SLC16A9: variants seen among roughly 807,000 people sequenced by gnomAD.
SLC16A9 encodes the protein monocarboxylate transporter 9.
SLC16A9 carries 26 observed loss-of-function variants against 44.3 expected under a neutral mutation model. The ratio of observed to expected loss-of-function variants is 0.59; its 90% CI spans 0.43 to 0.81. SLC16A9 has a LOEUF of 0.81. Among genes scored for constraint, SLC16A9 ranks in the 40% least tolerant of loss-of-function variants. The pLI is 0.00. For missense variants in SLC16A9, 559 were observed against 595.8 expected, an observed-to-expected ratio of 0.94 and a Z score of 0.64; for synonymous variants, 230 against 225.1, an observed-to-expected ratio of 1.02 and a Z score of -0.19.
chr10:59,661,984 G>A (rs977393849), intron 4 of SLC16A9, among the ~76,000 whole-genome samples: 22 of 152,008 alleles, frequency 1.4e-4, no homozygotes, highest in South Asian at 8.3e-4. Context: ...AAAAATTAAC[G>A]CAAGATGGAT....
intron 4 of SLC16A9, among the ~76,000 whole-genome samples, chr10:59,656,888 C>A (rs1396658133): frequency 1.3e-5 from 2 of 152,142 alleles, no homozygotes; most frequent in African/African-American, 2.4e-5. Flanking sequence ...TGCTTCCATG[C>A]ATGTTATACA....
chr10:59,679,369 T>C (rs988369185), intron 2 of SLC16A9, among the ~76,000 whole-genome samples: 2 of 152,194 alleles, frequency 1.3e-5, no homozygotes, highest in African/African-American at 2.4e-5. Flanking sequence ...TTAAGACATT[T>C]GTTGCAAGGA....
chr10:59,661,954 C>G (rs1372843275), intron 4 of SLC16A9, among the ~76,000 whole-genome samples: 1 of 151,978 alleles, frequency 6.6e-6, no homozygotes, highest in Admixed American at 6.6e-5. Flanking sequence ...GAAACTGGAC[C>G]CCTTCCTTAC....
chr10:59,698,338 T>C (rs1410480113), intron 1 of SLC16A9, among the ~76,000 whole-genome samples: 1 of 152,242 alleles, frequency 6.6e-6, no homozygotes, highest in African/African-American at 2.4e-5. Context: ...TACAGTTGCC[T>C]GCTCCTTCCT....
intron 1 of SLC16A9, among the ~76,000 whole-genome samples, chr10:59,690,721 C>T (rs899268717): frequency 2.0e-5 from 3 of 151,586 alleles, no homozygotes; most frequent in Admixed American, 2.0e-4. Context: ...TTTATAACCA[C>T]AAGAAATAAT....
intron 2 of SLC16A9, among the ~76,000 whole-genome samples, chr10:59,677,063 TCA>T (rs57206841): frequency 6.7e-6 from 1 of 149,120 alleles, no homozygotes; most frequent in Non-Finnish European, 1.5e-5. Flanking sequence ...AATAGGAACT[TCA>T]CACACACACA....
chr10:59,682,465 C>T (rs563311800), intron 2 of SLC16A9, among the ~76,000 whole-genome samples: 3 of 152,040 alleles, frequency 2.0e-5, no homozygotes, highest in Admixed American at 6.5e-5. Context: ...CAAAAACAGT[C>T]AGCTTCAGCT....
chr10:59,707,585 CA>C (rs35376586), intron 1 of SLC16A9, among the ~76,000 whole-genome samples: 70,410 of 127,274 alleles, frequency 0.55, 17,630 homozygotes, highest in East Asian at 0.76. Flanking sequence ...CTCACCACAC[CA>C]AAAAAAAAAA....
At chr10:59,668,073 C>T (rs1045441346) in intron 3 of SLC16A9, among the ~76,000 whole-genome samples, 13 of 148,332 alleles carry the variant, frequency 8.8e-5, no homozygotes, top group African/African-American at 3.0e-4. Flanking sequence ...ACCTCCTCAT[C>T]TTTTTTTTTT....
rs761711908 is a variant in SLC16A9 at position 59,684,116 on chromosome 10, C to T, written c.176G>A (p.Ser59Asn). ...CTTACTTGCAAGCAAGCCAACTCCA[C>T]TTGCCAGGGATCCAACCCAGGCTGT... is the stretch of plus-strand genomic sequence containing the variant. ...GKTAWVGSLA[S>N]GVGLLASPVC... Residue 59 changes from serine to asparagine, a missense_variant, in exon 2 of 6, where the codon AGT becomes AAT. Coordinates refer to ENST00000395348, the MANE Select transcript of SLC16A9 (RefSeq NM_194298.3). 9 of 1,612,932 alleles carry T rather than the reference C, an allele frequency of 5.6e-6. No individual in the cohort carries two copies. Among genetic ancestry groups the T allele is most frequent in the Admixed American group, 1.7e-5 (1 of 59,880 alleles).
At position 59,651,965 on chromosome 10, in the gene SLC16A9, GA is replaced by G. The variant is rs1839210658; in HGVS notation, c.*806del. On this transcript the variant is annotated 3_prime_UTR_variant, in exon 6 of 6. Transcript: ENST00000395348. The stretch of plus-strand genomic sequence containing the variant: ...GATTGAGAAATGTGTTTCCAATTTG[GA>G]AACAGGTAAAATTAGCACTTCCCAG... 1 of 152,170 alleles carries G rather than the reference GA, an allele frequency of 6.6e-6. No homozygotes were observed. Among genetic ancestry groups the G allele is most frequent in the Non-Finnish European group, 1.5e-5 (1 of 68,036 alleles). The allele number at this position is 152,170 out of a possible 1,614,324, so 9.4% of individuals were successfully genotyped here.
chr10:59,662,872 G>T (rs1343152391), intron 4 of SLC16A9, among the ~76,000 whole-genome samples: 1 of 152,068 alleles, frequency 6.6e-6, no homozygotes, highest in East Asian at 1.9e-4. Flanking sequence ...AGACAGTGTG[G>T]CAATTCTCAA....
At chr10:59,694,601 G>A (rs1429625799) in intron 1 of SLC16A9, among the ~76,000 whole-genome samples, 2 of 151,252 alleles carry the variant, frequency 1.3e-5, no homozygotes, top group Non-Finnish European at 2.9e-5. Context: ...AGGAGTTTAA[G>A]ACCAGCCTGG....
chr10:59,704,400 T>A (rs975876095), intron 1 of SLC16A9, among the ~76,000 whole-genome samples: 2 of 152,158 alleles, frequency 1.3e-5, no homozygotes, highest in African/African-American at 4.8e-5. Context: ...AATCTACCCA[T>A]GAGGAAACTG....
At chr10:59,668,489 A>T (rs1308246763) in intron 3 of SLC16A9, among the ~76,000 whole-genome samples, 1 of 152,144 alleles carries the variant, frequency 6.6e-6, no homozygotes, top group Non-Finnish European at 1.5e-5. Flanking sequence ...ACACACATAC[A>T]TTGGCTTCCT....
chr10:59,701,199 T>C (rs1434525454), intron 1 of SLC16A9, among the ~76,000 whole-genome samples: 1 of 152,182 alleles, frequency 6.6e-6, no homozygotes, highest in African/African-American at 2.4e-5. Context: ...GAATCCCAGC[T>C]ACCCGTCTCC....
At chr10:59,699,736 G>A (rs1357713067) in intron 1 of SLC16A9, among the ~76,000 whole-genome samples, 2 of 151,564 alleles carry the variant, frequency 1.3e-5, no homozygotes, top group Non-Finnish European at 2.9e-5. Context: ...GTCAGAAAAA[G>A]TTATTTTATC....
chr10:59,677,993 G>A (rs1286008117), intron 2 of SLC16A9, among the ~76,000 whole-genome samples: 1 of 150,620 alleles, frequency 6.6e-6, no homozygotes, highest in Non-Finnish European at 1.5e-5. Context: ...CCACTAACTC[G>A]CCCTCTAGCA....
At chr10:59,695,082 T>C (rs1465803677) in intron 1 of SLC16A9, among the ~76,000 whole-genome samples, 2 of 151,942 alleles carry the variant, frequency 1.3e-5, no homozygotes, top group Non-Finnish European at 2.9e-5. Context: ...TGATTCCACT[T>C]ATGTGAAATG....
Sources: allele counts gnomAD v4.1 joint callset (sites outside exome capture counted in the v4.1 genomes callset), GRCh38; gene constraint gnomAD v4.1.1; transcripts MANE v1.5; gene names NCBI Gene and HGNC (gene_info 2026-07-23, HGNC 2026-07-21).